Variants in ADK observed in about 807,000 individuals in gnomAD.
ADK encodes the protein adenosine kinase.
Under a neutral mutation model 44.7 loss-of-function variants are expected in ADK, and 24 were observed. The ratio of observed to expected loss-of-function variants is 0.54; its 90% CI spans 0.39 to 0.76. ADK has a LOEUF of 0.76. Among genes scored for constraint, ADK ranks in the 30% least tolerant of loss-of-function variants. The pLI, the probability that ADK is intolerant of heterozygous loss-of-function variation, is 0.00. For missense variants in ADK, 321 were observed against 425.1 expected, an observed-to-expected ratio of 0.76 and a Z score of 2.15; for synonymous variants, 128 against 142.6, an observed-to-expected ratio of 0.90 and a Z score of 0.73.
In ADK at chr10:74,443,276, G is replaced by A. The variant is rs138704577; in HGVS notation, c.555+44697G>A. ...ATATCAAAACATCATATTTTATACTGTGAATAAATGTAATTTTTGTCAGTT... is the reference window on the plus strand; with the variant it reads ...ATATCAAAACATCATATTTTATACTATGAATAAATGTAATTTTTGTCAGTT... On this transcript the variant is annotated intron_variant, in intron 6 of 10. Coordinates refer to ENST00000539909, the MANE Select transcript of ADK (RefSeq NM_006721.4). Among the ~76,000 whole-genome samples, 829 of 152,182 alleles carry A rather than the reference G, an allele frequency of 5.4e-3. 11 individuals are homozygous for A. Among genetic ancestry groups the A allele is most frequent in the African/African-American group, 0.019 (775 of 41,512 alleles).
chr10:74,239,912 A>G (rs1473512921), intron 3 of ADK, among the ~76,000 whole-genome samples: 1 of 151,952 alleles, frequency 6.6e-6, no homozygotes, highest in Admixed American at 6.6e-5. Context: ...CAAAAATTCA[A>G]TTTGCTTTGT....
At chr10:74,702,524 TTTCC>T (rs59918097) in intron 10 of ADK, among the ~76,000 whole-genome samples, 3,034 of 120,860 alleles carry the variant, frequency 0.025, 62 homozygotes, top group African/African-American at 0.059. Flanking sequence ...TCCTTCCTTC[TTTCC>T]TTCCTTCCTT....
At chr10:74,347,684 G>A (rs1197299776) in intron 4 of ADK, among the ~76,000 whole-genome samples, 1 of 152,132 alleles carries the variant, frequency 6.6e-6, no homozygotes, top group Admixed American at 6.5e-5. Flanking sequence ...CATTCTCACT[G>A]CCAGCACAAC....
At chr10:74,205,736 A>G (rs1843572323) in intron 2 of ADK, among the ~76,000 whole-genome samples, 1 of 151,922 alleles carries the variant, frequency 6.6e-6, no homozygotes, top group Non-Finnish European at 1.5e-5. Flanking sequence ...AGAAACTAAC[A>G]TAACAGTCTA....
At chr10:74,518,017 T>C (rs1355156064) in intron 6 of ADK, among the ~76,000 whole-genome samples, 1 of 152,250 alleles carries the variant, frequency 6.6e-6, no homozygotes, top group Non-Finnish European at 1.5e-5. Context: ...GTAACTCATA[T>C]TTGATCGACT....
chr10:74,177,346 T>TG (rs914035773), intron 1 of ADK, among the ~76,000 whole-genome samples: 1 of 152,152 alleles, frequency 6.6e-6, no homozygotes, highest in African/African-American at 2.4e-5. Context: ...CCTCAAGTTG[T>TG]GAAATTGTGT....
At chr10:74,594,791 C>T (rs1036698370) in intron 8 of ADK, among the ~76,000 whole-genome samples, 3 of 152,122 alleles carry the variant, frequency 2.0e-5, no homozygotes, top group African/African-American at 7.2e-5. Flanking sequence ...TAAAACCTTT[C>T]CCAACATATC....
chr10:74,473,346 A>G (rs1475664994), intron 6 of ADK, among the ~76,000 whole-genome samples: 1 of 152,188 alleles, frequency 6.6e-6, no homozygotes, highest in Admixed American at 6.5e-5. Flanking sequence ...CCTAATATTA[A>G]CACCTTAAAT....
At chr10:74,623,604 G>A (rs1029486254) in intron 9 of ADK, among the ~76,000 whole-genome samples, 2 of 151,882 alleles carry the variant, frequency 1.3e-5, no homozygotes, top group Non-Finnish European at 2.9e-5. Flanking sequence ...TGCATATCTT[G>A]TAAATGCATT....
In ADK at chr10:74,483,211, C is replaced by G. The variant is rs183125052; in HGVS notation, c.556-42045C>G. On this transcript the variant is annotated intron_variant, in intron 6 of 10. Transcript: ENST00000539909. ...GCCTCATCTCTTGCCCTCTGCATAC[C>G]CACAGGCTAAACACTAGGTAGAAGC... Among the ~76,000 whole-genome samples, 33 of 152,272 alleles carry G rather than the reference C, an allele frequency of 2.2e-4. 1 individual carries two copies. Among genetic ancestry groups the G allele is most frequent in the East Asian group, 2.1e-3 (11 of 5,188 alleles).
intron 9 of ADK, among the ~76,000 whole-genome samples, chr10:74,645,222 G>GTT (rs2134110760): frequency 6.6e-6 from 1 of 152,230 alleles, no homozygotes; most frequent in African/African-American, 2.4e-5. Context: ...TAAACTCAAA[G>GTT]ATTTCTGGTT....
chr10:74,286,528 C>A (rs532050811), intron 3 of ADK, among the ~76,000 whole-genome samples: 1 of 152,222 alleles, frequency 6.6e-6, no homozygotes, highest in Non-Finnish European at 1.5e-5. Flanking sequence ...CAGATTTACT[C>A]ATTTTACAAC....
chr10:74,474,455 T>C (rs1395502260), intron 6 of ADK, among the ~76,000 whole-genome samples: 1 of 152,100 alleles, frequency 6.6e-6, no homozygotes, highest in Non-Finnish European at 1.5e-5. Context: ...CTTTCTTTTC[T>C]TTTCCTTTAT....
intron 9 of ADK, among the ~76,000 whole-genome samples, chr10:74,635,921 CAAAA>C (rs11294383): frequency 7.7e-6 from 1 of 129,604 alleles, no homozygotes. Flanking sequence ...CCATCTCTAC[CAAAA>C]AAAAAAAAAA....
chr10:74,386,402 A>G (rs746517560), intron 4 of ADK, among the ~76,000 whole-genome samples: 1 of 152,184 alleles, frequency 6.6e-6, no homozygotes, highest in Non-Finnish European at 1.5e-5. Flanking sequence ...TGTCAGTTAT[A>G]TTGTCCTAAA....
At chr10:74,299,985 A>G (rs1839945932) in intron 3 of ADK, among the ~76,000 whole-genome samples, 1 of 152,028 alleles carries the variant, frequency 6.6e-6, no homozygotes, top group Non-Finnish European at 1.5e-5. Context: ...TGCATATGAA[A>G]TGGCTTTGAA....
At chr10:74,506,467 A>G (rs532014020) in intron 6 of ADK, 3 of 155,440 alleles carry the variant, frequency 1.9e-5, no homozygotes, top group African/African-American at 7.2e-5. Flanking sequence ...AAACATGATG[A>G]AAAATAATTC....
At chr10:74,374,176 G>T in intron 4 of ADK, among the ~76,000 whole-genome samples, 1 of 152,022 alleles carries the variant, frequency 6.6e-6, no homozygotes, top group Non-Finnish European at 1.5e-5. Flanking sequence ...TGGTTTTTTT[G>T]GGGGGTGTTG....
intron 2 of ADK, among the ~76,000 whole-genome samples, chr10:74,217,323 G>T (rs933188419): frequency 6.6e-6 from 1 of 152,162 alleles, no homozygotes; most frequent in Non-Finnish European, 1.5e-5. Flanking sequence ...GGAGAGGGGC[G>T]CCCGCCATTG....
Sources: allele counts gnomAD v4.1 joint callset (sites outside exome capture counted in the v4.1 genomes callset), GRCh38; gene constraint gnomAD v4.1.1; transcripts MANE v1.5; gene names NCBI Gene and HGNC (gene_info 2026-07-23, HGNC 2026-07-21).